FAM227B: variants seen among roughly 807,000 people sequenced by gnomAD.
FAM227B encodes family with sequence similarity 227 member B.
Under a neutral mutation model 73.8 loss-of-function variants are expected in FAM227B, and 88 were observed. That is an observed-to-expected ratio of 1.19 (90% confidence interval 1.00 to 1.42). The LOEUF (loss-of-function observed/expected upper bound fraction) is 1.42. FAM227B is among the 40% of genes most tolerant of loss of function. The pLI is 0.00. For synonymous variants in FAM227B, 210 were observed against 190.5 expected (o/e 1.10, Z -0.84); for missense variants, 632 against 590.9 (o/e 1.07, Z -0.72).
intron 11 of FAM227B, chr15:49,425,104 A>C (rs1386520590): frequency 3.3e-5 from 5 of 152,112 alleles, no homozygotes; most frequent in African/African-American, 1.2e-4. Flanking sequence ...AATAGAAGGG[A>C]ATCTGTGGTA....
At chr15:49,424,327 G>T in intron 11 of FAM227B, 1 of 1,613,558 alleles carries the variant, frequency 6.2e-7, no homozygotes, top group Non-Finnish European at 8.5e-7. Context: ...CATGGATCCT[G>T]CCAACTTTGC....
At chr15:49,562,531 C>G (rs770510872) in intron 9 of FAM227B, among the ~76,000 whole-genome samples, 5 of 151,630 alleles carry the variant, frequency 3.3e-5, no homozygotes, top group Non-Finnish European at 7.4e-5. Flanking sequence ...ATACCAAAAT[C>G]TGGAAAAGAC....
At chr15:49,569,360 C>A (rs1432135336) in intron 8 of FAM227B, among the ~76,000 whole-genome samples, 1 of 151,568 alleles carries the variant, frequency 6.6e-6, no homozygotes, top group Non-Finnish European at 1.5e-5. Flanking sequence ...TTCTTTATTT[C>A]ATTTATCTCT....
intron 5 of FAM227B, among the ~76,000 whole-genome samples, chr15:49,583,198 T>C (rs2075922706): frequency 6.8e-6 from 1 of 147,212 alleles, no homozygotes; most frequent in African/African-American, 2.4e-5. Context: ...AACTCCCGTA[T>C]TTGTTTTTTT....
intron 5 of FAM227B, among the ~76,000 whole-genome samples, chr15:49,585,911 G>A (rs573100225): frequency 4.9e-4 from 74 of 152,116 alleles, no homozygotes; most frequent in Non-Finnish European, 7.2e-4. Flanking sequence ...TTCCATGCTC[G>A]TGAACAGGAA....
chr15:49,474,669 C>T (rs1007072982), intron 11 of FAM227B, among the ~76,000 whole-genome samples: 2 of 152,040 alleles, frequency 1.3e-5, no homozygotes, highest in African/African-American at 4.8e-5. Context: ...GGTACTGGTC[C>T]ATGGCCTGTT....
At chr15:49,567,334 C>T (rs115802194) in intron 9 of FAM227B, among the ~76,000 whole-genome samples, 108 of 152,204 alleles carry the variant, frequency 7.1e-4, no homozygotes, top group African/African-American at 2.6e-3. Flanking sequence ...ATATACAACC[C>T]AGCTGTCAAC....
intron 3 of FAM227B, among the ~76,000 whole-genome samples, chr15:49,593,264 C>T (rs2076691593): frequency 6.6e-6 from 1 of 152,156 alleles, no homozygotes; most frequent in South Asian, 2.1e-4. Flanking sequence ...CCGTCTTCTG[C>T]ACCAATCACA....
intron 9 of FAM227B, among the ~76,000 whole-genome samples, chr15:49,560,448 C>T (rs1000720499): frequency 3.3e-5 from 5 of 152,142 alleles, no homozygotes; most frequent in African/African-American, 7.2e-5. Flanking sequence ...ACCTGGAAAA[C>T]GTATTTGAAA....
intron 10 of FAM227B, among the ~76,000 whole-genome samples, chr15:49,524,795 G>C (rs1179542322): frequency 6.6e-6 from 1 of 152,216 alleles, no homozygotes; most frequent in African/African-American, 2.4e-5. Flanking sequence ...GTGAGACATG[G>C]AGTCAAAGGA....
chr15:49,339,396 T>C (rs1428654855), intron 13 of FAM227B, among the ~76,000 whole-genome samples: 3 of 152,208 alleles, frequency 2.0e-5, no homozygotes, highest in Non-Finnish European at 4.4e-5. Context: ...GCCCCTCTGC[T>C]GCAGGTCTGC....
chr15:49,368,571 G>C (rs1484296899), intron 12 of FAM227B, among the ~76,000 whole-genome samples: 3 of 152,128 alleles, frequency 2.0e-5, no homozygotes, highest in Non-Finnish European at 4.4e-5. Context: ...GTCAATATCA[G>C]ACATGTTTTC....
intron 9 of FAM227B, among the ~76,000 whole-genome samples, chr15:49,553,340 G>A (rs2073263441): frequency 6.6e-6 from 1 of 152,186 alleles, no homozygotes; most frequent in African/African-American, 2.4e-5. Flanking sequence ...AAGCACTCCT[G>A]TGGCTATCAC....
rs145524056 is a variant in FAM227B, at chr15:49,551,347, T to G, written c.748-9541A>C. On this transcript the variant is annotated intron_variant, in intron 9 of 15. Transcript: ENST00000299338. ...CTTGCTGAATTGACCCCTTTATTAT[T>G]ATGTAATAACCTTCTTTGTTTCTTC... Among the ~76,000 whole-genome samples, 159 of 152,350 alleles carry G rather than the reference T, an allele frequency of 1.0e-3. 1 individual carries two copies. The highest frequency in any genetic ancestry group is 2.9e-3 in the South Asian group (14 of 4,828).
chr15:49,382,432 G>A (rs1255990497), intron 11 of FAM227B, among the ~76,000 whole-genome samples: 3 of 151,996 alleles, frequency 2.0e-5, no homozygotes. Flanking sequence ...TAACTGTTTA[G>A]GAAAAAGTAA....
At chr15:49,501,239 G>A (rs1232659898) in intron 11 of FAM227B, among the ~76,000 whole-genome samples, 1 of 152,184 alleles carries the variant, frequency 6.6e-6, no homozygotes, top group Non-Finnish European at 1.5e-5. Flanking sequence ...GAAGAAGACA[G>A]GAAGATGAGG....
chr15:49,342,964 C>G (rs1305867187), intron 13 of FAM227B, among the ~76,000 whole-genome samples: 3 of 152,110 alleles, frequency 2.0e-5, no homozygotes, highest in Non-Finnish European at 2.9e-5. Context: ...TTCTTTAGCA[C>G]TGACCTTGGA....
At chr15:49,566,637 T>C (rs1319413055) in intron 9 of FAM227B, among the ~76,000 whole-genome samples, 3 of 152,192 alleles carry the variant, frequency 2.0e-5, no homozygotes, top group Non-Finnish European at 4.4e-5. Context: ...TTATTTGAAT[T>C]AGTTAAAAAT....
At chr15:49,588,411 G>C (rs2076302426) in intron 4 of FAM227B, among the ~76,000 whole-genome samples, 1 of 150,156 alleles carries the variant, frequency 6.7e-6, no homozygotes, top group South Asian at 2.1e-4. Flanking sequence ...ACTTACACTT[G>C]GTTGTTTCAT....
Sources: allele counts gnomAD v4.1 joint callset (sites outside exome capture counted in the v4.1 genomes callset), GRCh38; gene constraint gnomAD v4.1.1; transcripts MANE v1.5; gene names NCBI Gene and HGNC (gene_info 2026-07-23, HGNC 2026-07-21).